The following TBL1XR1 variants were observed in gnomAD, a reference collection of about 807,000 sequenced individuals.
TBL1XR1 encodes F-box-like/WD repeat-containing protein TBL1XR1.
TBL1XR1 carries 5 observed loss-of-function variants against 66.9 expected under a neutral mutation model. The ratio of observed to expected loss-of-function variants is 0.07; its 90% CI spans 0.04 to 0.16. The LOEUF is 0.16. Among genes scored for constraint, TBL1XR1 ranks in the 10% least tolerant of loss-of-function variants. The pLI, the probability that TBL1XR1 is intolerant of heterozygous loss-of-function variation, is 1.00. For missense variants in TBL1XR1, 238 were observed against 623.2 expected (o/e 0.38, Z 6.58); for synonymous variants, 210 against 206.0 (o/e 1.02, Z -0.17).
rs1312847097 is a variant in TBL1XR1 at position 177,197,463 on chromosome 3, G to A, written c.-464C>T. On this transcript the variant is annotated 5_prime_UTR_variant, in exon 1 of 16. Coordinates refer to ENST00000457928, the MANE Select transcript of TBL1XR1 (RefSeq NM_024665.7). Reference sequence around the variant, plus strand: ...GGCAGAAGGTAAAAGCTGTTACTAAGGGAAAGAGCCAAACGGTTCGGAGCA... The same window carrying A: ...GGCAGAAGGTAAAAGCTGTTACTAAAGGAAAGAGCCAAACGGTTCGGAGCA... 10 of 147,786 alleles carry A rather than the reference G, an allele frequency of 6.8e-5. No individual in the cohort carries two copies. Among genetic ancestry groups the A allele is most frequent in the Non-Finnish European group, 1.2e-4 (8 of 66,158 alleles). The allele number at this position is 147,786 out of a possible 1,614,324, so 9.2% of individuals were successfully genotyped here.
At chr3:177,177,394 G>T (rs1310079716) in intron 1 of TBL1XR1, among the ~76,000 whole-genome samples, 1 of 152,046 alleles carries the variant, frequency 6.6e-6, no homozygotes, top group African/African-American at 2.4e-5. Context: ...AGGTTGCAGT[G>T]AACCGAGATT....
At chr3:177,075,625 A>G (rs996172129) in intron 2 of TBL1XR1, among the ~76,000 whole-genome samples, 66 of 152,276 alleles carry the variant, frequency 4.3e-4, no homozygotes, top group Admixed American at 4.1e-3. Context: ...ATGTTTCCCA[A>G]TCTAAATAGA....
chr3:177,186,504 GAT>G (rs1735427981), intron 1 of TBL1XR1, among the ~76,000 whole-genome samples: 1 of 152,110 alleles, frequency 6.6e-6, no homozygotes, highest in South Asian at 2.1e-4. Context: ...AATGACATAT[GAT>G]AGCCACTAAA....
At chr3:177,189,677 C>A (rs1286227835) in intron 1 of TBL1XR1, among the ~76,000 whole-genome samples, 47 of 86,420 alleles carry the variant, frequency 5.4e-4, no homozygotes, top group African/African-American at 2.1e-3. Context: ...AAGGATGTAA[C>A]ACCAAATTAG....
intron 1 of TBL1XR1, among the ~76,000 whole-genome samples, chr3:177,123,834 A>G (rs1263964876): frequency 1.3e-5 from 2 of 152,106 alleles, no homozygotes; most frequent in South Asian, 4.1e-4. Flanking sequence ...AAATAAGAAC[A>G]TAATTCCCTG....
chr3:177,087,472 C>A (rs1722289156), intron 2 of TBL1XR1, among the ~76,000 whole-genome samples: 1 of 152,036 alleles, frequency 6.6e-6, no homozygotes, highest in Non-Finnish European at 1.5e-5. Context: ...TAAAAACTCT[C>A]CTTACAGGTG....
At chr3:177,095,146 T>C (rs1577147938) in intron 2 of TBL1XR1, among the ~76,000 whole-genome samples, 1 of 151,878 alleles carries the variant, frequency 6.6e-6, no homozygotes, top group East Asian at 1.9e-4. Flanking sequence ...TGGTGCTACC[T>C]ATATGAGGTA....
At position 177,025,213 on chromosome 3, in the gene TBL1XR1, T is replaced by A. The variant is rs1298532973; in HGVS notation, c.*285A>T. On this transcript the variant is annotated 3_prime_UTR_variant, in exon 16 of 16. Transcript: ENST00000457928. ...TATGTTCTGCTTTTATAATGTATATTTTTCTCTCTTCTGTTTTTCATATCC... is the reference window on the plus strand; with the variant it reads ...TATGTTCTGCTTTTATAATGTATATATTTCTCTCTTCTGTTTTTCATATCC... 2.6e-6 allele frequency: 1 copy of A among 383,650 alleles called. No homozygotes were observed. 23.8% of individuals were successfully genotyped at this position (383,650 alleles called of 1,614,324 possible).
intron 2 of TBL1XR1, among the ~76,000 whole-genome samples, chr3:177,091,360 G>T (rs1186629071): frequency 6.6e-6 from 1 of 150,518 alleles, no homozygotes; most frequent in Non-Finnish European, 1.5e-5. Context: ...CTCTACTTTT[G>T]TTTAATACAT....
At chr3:177,140,083 A>G (rs1013467773) in intron 1 of TBL1XR1, among the ~76,000 whole-genome samples, 30 of 152,128 alleles carry the variant, frequency 2.0e-4, no homozygotes, top group Non-Finnish European at 1.6e-4. Flanking sequence ...TGGACAGATC[A>G]CCAGGTCAGG....
At chr3:177,049,223 G>A (rs553086477) in intron 7 of TBL1XR1, among the ~76,000 whole-genome samples, 2 of 152,096 alleles carry the variant, frequency 1.3e-5, no homozygotes, top group African/African-American at 2.4e-5. Context: ...GTCCACAAAG[G>A]GTTGTTAAAC....
chr3:177,190,953 G>A (rs1234278044), intron 1 of TBL1XR1, among the ~76,000 whole-genome samples: 1 of 152,142 alleles, frequency 6.6e-6, no homozygotes, highest in African/African-American at 2.4e-5. Context: ...AAGTGCAATG[G>A]AATCTCAGAG....
At chr3:177,181,966 C>T (rs1387114660) in intron 1 of TBL1XR1, among the ~76,000 whole-genome samples, 2 of 152,150 alleles carry the variant, frequency 1.3e-5, no homozygotes, top group East Asian at 1.9e-4. Context: ...GAATCTTTTA[C>T]CCACATTTTG....
intron 2 of TBL1XR1, among the ~76,000 whole-genome samples, chr3:177,093,537 C>G (rs1466575063): frequency 1.3e-5 from 2 of 152,040 alleles, no homozygotes; most frequent in African/African-American, 4.8e-5. Context: ...CCAAAAGAAC[C>G]AATCTGGAGT....
intron 1 of TBL1XR1, among the ~76,000 whole-genome samples, chr3:177,180,632 C>G (rs76344173): frequency 6.6e-6 from 1 of 152,048 alleles, no homozygotes; most frequent in South Asian, 2.1e-4. Context: ...AAAACAAATG[C>G]GTCATCCTCT....
At chr3:177,164,626 G>A (rs1732606722) in intron 1 of TBL1XR1, among the ~76,000 whole-genome samples, 1 of 152,136 alleles carries the variant, frequency 6.6e-6, no homozygotes, top group Non-Finnish European at 1.5e-5. Flanking sequence ...GGGATTACAG[G>A]CGTGAGCCAC....
At chr3:177,141,024 G>A (rs1349913883) in intron 1 of TBL1XR1, among the ~76,000 whole-genome samples, 2 of 151,966 alleles carry the variant, frequency 1.3e-5, no homozygotes, top group Non-Finnish European at 2.9e-5. Context: ...TCCTTATCTT[G>A]TAAAAATAAT....
intron 4 of TBL1XR1, 41 bp from the exon 5 acceptor site, chr3:177,051,767 A>C: frequency 6.8e-7 from 1 of 1,475,182 alleles, no homozygotes; most frequent in Non-Finnish European, 9.1e-7. Context: ...ATCAAAGGCA[A>C]TATTTAAAGT....
intron 1 of TBL1XR1, among the ~76,000 whole-genome samples, chr3:177,132,099 G>A (rs1388827426): frequency 3.3e-5 from 5 of 152,130 alleles, no homozygotes; most frequent in Admixed American, 6.5e-5. Context: ...TGTCTGTACC[G>A]GCTTGTCAGC....
Sources: allele counts gnomAD v4.1 joint callset (sites outside exome capture counted in the v4.1 genomes callset), GRCh38; gene constraint gnomAD v4.1.1; transcripts MANE v1.5; gene names NCBI Gene and HGNC (gene_info 2026-07-23, HGNC 2026-07-21).